The following EIF4ENIF1 variants were observed in gnomAD, a reference collection of about 807,000 sequenced individuals.
The protein encoded by EIF4ENIF1 is eukaryotic translation initiation factor 4E transporter.
In EIF4ENIF1, 23 loss-of-function variants were observed where a neutral mutation model predicts 110.5. The observed-to-expected ratio is 0.21, with a 90% confidence interval of 0.15 to 0.29. The LOEUF is 0.29. Ranked by LOEUF, EIF4ENIF1 falls within the 10% of genes least tolerant of loss-of-function variation. EIF4ENIF1 has a pLI of 1.00. For synonymous variants in EIF4ENIF1, 440 were observed against 437.0 expected, an observed-to-expected ratio of 1.01 and a Z score of -0.09; for missense variants, 1,031 against 1,221.1, an observed-to-expected ratio of 0.84 and a Z score of 2.32.
rs773612956 is a variant in EIF4ENIF1 at position 31,468,215 on chromosome 22, C to T, written c.258G>A (p.Glu86=). The change falls in exon 4 of 19, where the codon GAG becomes GAA. Residue 86 remains glutamate (E), a synonymous_variant. Transcript: ENST00000330125. ...RSSPVESLKK[E]LDTDRPSLVR... The stretch of plus-strand genomic sequence containing the variant: ...CCAGGGAAGGCCGGTCTGTATCCAA[C>T]TCTTTCTTCAGACTTTCCACTGGTG... 3 of 1,614,198 alleles carry T rather than the reference C, an allele frequency of 1.9e-6. No homozygotes were observed. The highest frequency in any genetic ancestry group is 2.5e-6 in the Non-Finnish European group (3 of 1,180,042).
chr22:31,463,226 G>A (rs909622710), intron 5 of EIF4ENIF1, 93 bp from the exon 6 acceptor site: 29 of 1,254,516 alleles, frequency 2.3e-5, no homozygotes, highest in Non-Finnish European at 3.1e-5. Flanking sequence ...ATAGTGAAAG[G>A]AAGATATGAT....
chr22:31,490,883 C>T (rs1601676454), upstream of EIF4ENIF1, among the ~76,000 whole-genome samples: 1 of 152,198 alleles, frequency 6.6e-6, no homozygotes, highest in Non-Finnish European at 1.5e-5. Flanking sequence ...TCCAAGAGGC[C>T]TACTTTGTTG....
chr22:31,491,686 T>A, upstream of EIF4ENIF1, among the ~76,000 whole-genome samples: 1 of 151,988 alleles, frequency 6.6e-6, no homozygotes, highest in Non-Finnish European at 1.5e-5. Flanking sequence ...GACTACAGGC[T>A]CCTGCCACTA....
chr22:31,450,552 C>G (rs1001052069), intron 10 of EIF4ENIF1, 192 bp from the exon 11 acceptor site: 1 of 466,678 alleles, frequency 2.1e-6, no homozygotes, highest in Admixed American at 3.5e-5. Context: ...ATGGAAAGAC[C>G]GTTCACATGT....
intron 4 of EIF4ENIF1, among the ~76,000 whole-genome samples, chr22:31,464,699 A>AAAAAAAAAAAAAAAAT (rs1304121964): frequency 5.1e-5 from 2 of 39,108 alleles, no homozygotes; most frequent in African/African-American, 9.7e-5. Flanking sequence ...AAAAAAAAAA[A>AAAAAAAAAAAAAAAAT]ATATATATAT....
upstream of EIF4ENIF1, among the ~76,000 whole-genome samples, chr22:31,490,132 C>G (rs574159913): frequency 6.6e-6 from 1 of 152,214 alleles, no homozygotes; most frequent in Non-Finnish European, 1.5e-5. Flanking sequence ...ACCGCCGCCG[C>G]GTTCCCACGC....
rs2051261179 is a variant in EIF4ENIF1, at chr22:31,468,417, C to T, written c.171-115G>A. ...GAAACCCATTTCTCCTTTTTTGAGA[C>T]AGGGTCTCGCTCTGTCGCCCAGGAT... On this transcript the variant is annotated intron_variant, in intron 3 of 18. Coordinates refer to ENST00000330125, the MANE Select transcript of EIF4ENIF1 (RefSeq NM_019843.4). 7 of 1,448,640 alleles carry T rather than the reference C, an allele frequency of 4.8e-6. No individual in the cohort carries two copies. In the South Asian group the frequency reaches 7.6e-5, roughly 16 times the overall value. The allele number at this position is 1,448,640 out of a possible 1,614,324, so 89.7% of individuals were successfully genotyped here.
upstream of EIF4ENIF1, among the ~76,000 whole-genome samples, chr22:31,493,435 C>T (rs2146138508): frequency 6.6e-6 from 1 of 151,208 alleles, no homozygotes; most frequent in Non-Finnish European, 1.5e-5. Flanking sequence ...AAGCAATTCT[C>T]ATGCCTCAGC....
intron 15 of EIF4ENIF1, among the ~76,000 whole-genome samples, chr22:31,443,873 C>T (rs1028285228): frequency 1.4e-5 from 2 of 146,858 alleles, no homozygotes; most frequent in African/African-American, 5.0e-5. Context: ...TGGCTCACTG[C>T]AACCTCTGCC....
chr22:31,465,808 C>G (rs1400079943), intron 4 of EIF4ENIF1, among the ~76,000 whole-genome samples: 1 of 152,138 alleles, frequency 6.6e-6, no homozygotes, highest in Non-Finnish European at 1.5e-5. Flanking sequence ...ACTGCTAAAT[C>G]CATACAATGG....
At chr22:31,471,442 G>A (rs532126026) in intron 3 of EIF4ENIF1, among the ~76,000 whole-genome samples, 52 of 152,166 alleles carry the variant, frequency 3.4e-4, no homozygotes, top group African/African-American at 1.2e-3. Flanking sequence ...AGCCTCCCGA[G>A]TAGCTGGGAC....
chr22:31,486,984 G>A (rs1305484587), intron 2 of EIF4ENIF1, among the ~76,000 whole-genome samples: 2 of 151,772 alleles, frequency 1.3e-5, no homozygotes, highest in African/African-American at 2.4e-5. Context: ...TACTCAGGAG[G>A]CTGAGGCAGG....
At chr22:31,486,647 C>T (rs1050741601) in intron 2 of EIF4ENIF1, among the ~76,000 whole-genome samples, 1 of 152,040 alleles carries the variant, frequency 6.6e-6, no homozygotes, top group East Asian at 1.9e-4. Context: ...GGCATGGTGG[C>T]GCACGCCTGT....
intron 3 of EIF4ENIF1, among the ~76,000 whole-genome samples, chr22:31,470,146 A>G (rs185221339): frequency 3.0e-3 from 436 of 144,382 alleles, no homozygotes; most frequent in African/African-American, 0.01. Flanking sequence ...CCTAGGCAAC[A>G]AGAGCGAAAC....
At chr22:31,488,576 C>T (rs1219744478) in intron 2 of EIF4ENIF1, 47 bp downstream of exon 2, 1 of 1,612,452 alleles carries the variant, frequency 6.2e-7, no homozygotes, top group African/African-American at 1.3e-5. Context: ...ATGTTACTAA[C>T]TTCGCCACCT....
intron 2 of EIF4ENIF1, among the ~76,000 whole-genome samples, chr22:31,483,337 C>A (rs2051899963): frequency 6.7e-6 from 1 of 150,150 alleles, no homozygotes; most frequent in Non-Finnish European, 1.5e-5. Flanking sequence ...GTAGCTGAGA[C>A]TACAGGCAAT....
chr22:31,443,716 G>C (rs1201546727), intron 15 of EIF4ENIF1, among the ~76,000 whole-genome samples: 1 of 151,954 alleles, frequency 6.6e-6, no homozygotes, highest in Non-Finnish European at 1.5e-5. Context: ...AGACCCACGT[G>C]GGGTTCTGAA....
At chr22:31,437,891 G>C (rs2050196137), downstream of EIF4ENIF1, 3 of 152,212 alleles carry the variant, frequency 2.0e-5, 1 homozygote, top group Admixed American at 2.0e-4. Context: ...GAATCACATG[G>C]AGTGAATAGC....
At position 31,456,426 on chromosome 22, in the gene EIF4ENIF1, T is replaced by C. The variant is rs560345822; in HGVS notation, c.964-439A>G. Among the ~76,000 whole-genome samples, 7 of 152,094 alleles carry C rather than the reference T, an allele frequency of 4.6e-5. No individual in the cohort carries two copies. In the South Asian group the frequency reaches 1.2e-3, roughly 27 times the overall value. On this transcript the variant is annotated intron_variant, in intron 7 of 18. Coordinates refer to ENST00000330125, the MANE Select transcript of EIF4ENIF1 (RefSeq NM_019843.4). The stretch of plus-strand genomic sequence containing the variant: ...TTTTAGTAGAGACGGGGTTTTACCG[T>C]GTTAGCCAGGATGGTCTCGATCTCC...
Sources: allele counts gnomAD v4.1 joint callset (sites outside exome capture counted in the v4.1 genomes callset), GRCh38; gene constraint gnomAD v4.1.1; transcripts MANE v1.5; gene names NCBI Gene and HGNC (gene_info 2026-07-23, HGNC 2026-07-21).